Variants in CAD observed in about 807,000 individuals in gnomAD.
The protein encoded by CAD is multifunctional protein CAD.
Under a neutral mutation model 237.2 loss-of-function variants are expected in CAD, and 81 were observed. That is an observed-to-expected ratio of 0.34 (90% CI 0.29 to 0.41). The LOEUF (loss-of-function observed/expected upper bound fraction) is 0.41. Ranked by LOEUF, CAD falls within the 10% of genes least tolerant of loss-of-function variation. The pLI is 1.00. For synonymous variants in CAD, 1,196 were observed against 1,162.8 expected (o/e 1.03, Z -0.58); for missense variants, 2,181 against 2,951.7 (o/e 0.74, Z 6.05).
chr2:27,222,376 C>T (rs1479961562), intron 4 of CAD, 40 bp downstream of exon 4: 1 of 1,593,752 alleles, frequency 6.3e-7, no homozygotes, highest in South Asian at 1.1e-5. Flanking sequence ...AGCTCTAGCA[C>T]AGTAGTTATA....
rs745384012 is a variant in CAD, at chr2:27,217,932, G to A, written c.138G>A (p.Lys46=). The change falls in exon 2 of 44, where the codon AAG becomes AAA. Residue 46 remains lysine (K), a synonymous_variant. Transcript: ENST00000264705. ...AGGCCCTCACTGATCCCTCCTACAAGGCACAGATCTTAGTGCTCACCTATC... is the reference window on the plus strand; with the variant it reads ...AGGCCCTCACTGATCCCTCCTACAAAGCACAGATCTTAGTGCTCACCTATC... ...YPEALTDPSY[K]AQILVLTYPL... 6 of 1,613,082 alleles carry A rather than the reference G, an allele frequency of 3.7e-6. No individual in the cohort carries two copies. The Admixed American group carries it at 1.0e-4, about 27-fold the overall frequency.
In CAD at chr2:27,221,269, T is replaced by C. The variant is rs1675151830; in HGVS notation, c.274T>C (p.Cys92Arg). The change falls in exon 3 of 44, where the codon TGT becomes CGT. Residue 92 changes from cysteine (C) to arginine (R), a missense_variant. Around this residue, in one of 12 missense-constraint regions of CAD, gnomAD observed 314 missense variants for 339.4 expected, o/e 0.93. Coordinates refer to ENST00000264705, the MANE Select transcript of CAD (RefSeq NM_004341.5). The stretch of plus-strand genomic sequence containing the variant: ...AGCAGCACTGGTAGTGGGAGAGTGC[T>C]GTCCTACTCCCAGCCACTGGAGTGC... ...HVAALVVGEC[C>R]PTPSHWSATR... is the part of the protein sequence containing the mutation. 5.0e-6 allele frequency: 8 copies of C among 1,591,424 alleles called. No homozygotes were observed. The highest frequency in any genetic ancestry group is 6.0e-6 in the Non-Finnish European group (7 of 1,168,524).
Position 27,225,191 on chromosome 2 carries a change from C to G in CAD, c.1568C>G (p.Ala523Gly). ...CGACGGGCCTTTGCTGCCAGAATGGCAGAGATCGGAGAGCATGTGGCCCCG... is the reference window on the plus strand; with the variant it reads ...CGACGGGCCTTTGCTGCCAGAATGGGAGAGATCGGAGAGCATGTGGCCCCG... The part of the protein sequence containing the change: ...EDRRAFAARM[A>G]EIGEHVAPSE... Residue 523 changes from alanine (A) to glycine (G), a missense_variant, in exon 11 of 44, where the codon GCA becomes GGA. Around this residue, in one of 12 missense-constraint regions of CAD, gnomAD observed 174 missense variants for 215.8 expected, o/e 0.81. Coordinates refer to ENST00000264705, the MANE Select transcript of CAD (RefSeq NM_004341.5). The G allele has an allele frequency of 6.2e-7, 1 of 1,613,718 alleles. No individual in the cohort carries two copies. The highest frequency in any genetic ancestry group is 1.1e-5 in the South Asian group (1 of 91,064).
At chr2:27,221,076 A>G in intron 2 of CAD, 142 bp from the exon 3 acceptor site, 1 of 517,792 alleles carries the variant, frequency 1.9e-6, no homozygotes, top group Admixed American at 4.0e-5. Context: ...AAATGGAAAT[A>G]CCTATGCAAA....
intron 15 of CAD, among the ~76,000 whole-genome samples, chr2:27,228,930 T>C (rs1675582246): frequency 6.8e-6 from 1 of 147,168 alleles, no homozygotes; most frequent in Non-Finnish European, 1.5e-5. Flanking sequence ...TTCTTTTTTT[T>C]TTTTTTTGAG....
At position 27,232,559 on chromosome 2, in the gene CAD, A is replaced by G; in HGVS notation, c.2757A>G (p.Leu919=). ...EWPAQTNYLY[L]TYWGTTHDLT... ...CAGCCCAGACAAATTACCTATACCTAACGTATTGGGGCACCACCCATGACC... is the reference window on the plus strand; with the variant it reads ...CAGCCCAGACAAATTACCTATACCTGACGTATTGGGGCACCACCCATGACC... Residue 919 remains leucine, a synonymous_variant, in exon 18 of 44, where the codon CTA becomes CTG. Transcript: ENST00000264705. This position sits in a 1 kb window ranked among gnomAD's most constrained non-coding sequence, Gnocchi z 4.1. 6.2e-7 allele frequency: 1 copy of G among 1,614,126 alleles called. No individual in the cohort carries two copies.
At chr2:27,230,326 A>T (rs748281328) in intron 15 of CAD, among the ~76,000 whole-genome samples, 1 of 151,954 alleles carries the variant, frequency 6.6e-6, no homozygotes, top group Non-Finnish European at 1.5e-5. Context: ...AATTATATGT[A>T]TGCTGTGATG....
rs1457011869 is a variant in CAD at position 27,235,239 on chromosome 2, C to A, written c.3787-6C>A. 1 of 1,601,626 alleles carries A rather than the reference C, an allele frequency of 6.2e-7. No homozygotes were observed. Among genetic ancestry groups the A allele is most frequent in the East Asian group, 2.2e-5 (1 of 44,674 alleles). Reference sequence around the variant, plus strand: ...TGGCCCTCTCTCTTCCCTCCCGCCCCTTTAGGTGCCTCAGTTCTCCTTCTC... The same window carrying A: ...TGGCCCTCTCTCTTCCCTCCCGCCCATTTAGGTGCCTCAGTTCTCCTTCTC... On this transcript the variant is annotated splice_region_variant and splice_polypyrimidine_tract_variant and intron_variant, in intron 23 of 43. Transcript: ENST00000264705. The surrounding 1 kb of genome is among the most constrained non-coding windows in gnomAD (Gnocchi z 5.2).
In CAD at chr2:27,226,853, A is replaced by T; in HGVS notation, c.2178A>T (p.Thr726=). The T allele has an allele frequency of 6.2e-7, 1 of 1,614,228 alleles. No individual in the cohort carries two copies. Among genetic ancestry groups the T allele is most frequent in the Non-Finnish European group, 8.5e-7 (1 of 1,180,036 alleles). Residue 726 remains threonine (T), a synonymous_variant, in exon 15 of 44, where the codon ACA becomes ACT. Transcript: ENST00000264705. ...CCAGGAACTCTGTGACAGGGGGTAC[A>T]GCAGCCTTTGAACCCAGCGTGGATT... ...PELRNSVTGG[T]AAFEPSVDYC...
chr2:27,219,022 AACCTTTGTCAGTCATC>A (rs1478239337), intron 2 of CAD, among the ~76,000 whole-genome samples: 4 of 152,254 alleles, frequency 2.6e-5, no homozygotes, highest in Non-Finnish European at 5.9e-5. Context: ...GAATTTGGTT[AACCTTTGTCAGTCATC>A]ACCTTTGTCA....
rs149723808 is a variant in CAD at position 27,237,017 on chromosome 2, A to ATTT, written c.4396+207_4396+209dup. On this transcript the variant is annotated intron_variant, in intron 27 of 43. Coordinates refer to ENST00000264705, the MANE Select transcript of CAD (RefSeq NM_004341.5). The surrounding 1 kb of genome is among the most constrained non-coding windows in gnomAD (Gnocchi z 4.0). Reference sequence around the variant, plus strand: ...TGTCCACAGTGGCCTTGTCTGAGGAATTTTTTTTTTTTTTTTTTTTTTGAG... The same window carrying ATTT: ...TGTCCACAGTGGCCTTGTCTGAGGAATTTTTTTTTTTTTTTTTTTTTTTTTGAG... Among the ~76,000 whole-genome samples, 59 of 126,494 alleles carry ATTT rather than the reference A, an allele frequency of 4.7e-4. No homozygotes were observed. Among genetic ancestry groups the ATTT allele is most frequent in the African/African-American group, 1.7e-3 (52 of 30,780 alleles). 83.0% of individuals were successfully genotyped at this position (126,494 alleles called of 152,430 possible).
intron 4 of CAD, 39 bp from the exon 5 acceptor site, chr2:27,222,480 C>G: frequency 1.9e-6 from 3 of 1,606,606 alleles, no homozygotes; most frequent in Non-Finnish European, 2.6e-6. Flanking sequence ...CCACTGAGCA[C>G]AGCTGCCAAC....
At position 27,243,668 on chromosome 2, in the gene CAD, C is replaced by G. The variant is rs1013911663; in HGVS notation, c.*150C>G. ...ACTTCAGGCTCTGGACTGGAGCTCT[C>G]TGGCATGGGGGTGGGGCCTCAGATG... On this transcript the variant is annotated 3_prime_UTR_variant, in exon 44 of 44. Transcript: ENST00000264705. 2 of 659,944 alleles carry G rather than the reference C, an allele frequency of 3.0e-6. No homozygotes were observed. Among genetic ancestry groups the G allele is most frequent in the African/African-American group, 3.6e-5 (2 of 54,854 alleles). 40.9% of individuals were successfully genotyped at this position (659,944 alleles called of 1,614,324 possible).
At chr2:27,229,973 C>T (rs1572435430) in intron 15 of CAD, among the ~76,000 whole-genome samples, 1 of 151,980 alleles carries the variant, frequency 6.6e-6, no homozygotes, top group South Asian at 2.1e-4. Context: ...CGCAGTGGCA[C>T]ACGCCTGTAA....
chr2:27,236,859 G>A lies in CAD; in HGVS notation c.4396+29G>A. The A allele has an allele frequency of 6.3e-7, 1 of 1,591,548 alleles. No homozygotes were observed. The highest frequency in any genetic ancestry group is 8.6e-7 in the Non-Finnish European group (1 of 1,159,478). On this transcript the variant is annotated intron_variant, in intron 27 of 43. Coordinates refer to ENST00000264705, the MANE Select transcript of CAD (RefSeq NM_004341.5). The surrounding 1 kb of genome is among the most constrained non-coding windows in gnomAD (Gnocchi z 4.1). ...AGTCTTTGGGGAGAACTTGGCTTCTGAACACTGGCAGCCCCTGGCATAGAG... is the reference window on the plus strand; with the variant it reads ...AGTCTTTGGGGAGAACTTGGCTTCTAAACACTGGCAGCCCCTGGCATAGAG...
At position 27,239,594 on chromosome 2, in the gene CAD, G is replaced by GAA; in HGVS notation, c.5395-103_5395-102insAA. On this transcript the variant is annotated intron_variant, in intron 33 of 43. Coordinates refer to ENST00000264705, the MANE Select transcript of CAD (RefSeq NM_004341.5). This position sits in a 1 kb window ranked among gnomAD's most constrained non-coding sequence, Gnocchi z 4.0. ...ACCACTGCCCTGGACCAGGGGTTGGGGGCACAGCTCCCCCAAGGTGCTTTT... is the reference window on the plus strand; with the variant it reads ...ACCACTGCCCTGGACCAGGGGTTGGGAAGGCACAGCTCCCCCAAGGTGCTTTT... 6.7e-7 allele frequency: 1 copy of GAA among 1,500,224 alleles called. No homozygotes were observed. Among genetic ancestry groups the GAA allele is most frequent in the Non-Finnish European group, 9.1e-7 (1 of 1,093,536 alleles). 92.9% of individuals were successfully genotyped at this position (1,500,224 alleles called of 1,614,324 possible).
At chr2:27,221,974 T>G (rs1051710863) in intron 3 of CAD, among the ~76,000 whole-genome samples, 1 of 150,842 alleles carries the variant, frequency 6.6e-6, no homozygotes, top group African/African-American at 2.5e-5. Flanking sequence ...TATATTATTT[T>G]CTATAAATGG....
At position 27,237,849 on chromosome 2, in the gene CAD, G is replaced by A; in HGVS notation, c.4695G>A (p.Glu1565=). 1 of 1,613,794 alleles carries A rather than the reference G, an allele frequency of 6.2e-7. No individual in the cohort carries two copies. The highest frequency in any genetic ancestry group is 8.5e-7 in the Non-Finnish European group (1 of 1,179,846). ...TTTACCTCAATGAGACCTTCTCTGAGCTGCGGCTGGACAGCGTGGTCCAGT... is the reference window on the plus strand; with the variant it reads ...TTTACCTCAATGAGACCTTCTCTGAACTGCGGCTGGACAGCGTGGTCCAGT... ...LKLYLNETFS[E]LRLDSVVQWM... is the part of the protein sequence containing the mutation. The change falls in exon 29 of 44, where the codon GAG becomes GAA. Residue 1565 remains glutamate, a synonymous_variant. Transcript: ENST00000264705. The surrounding 1 kb of genome is among the most constrained non-coding windows in gnomAD (Gnocchi z 4.0).
In CAD at chr2:27,239,413, T is replaced by C; in HGVS notation, c.5336T>C (p.Val1779Ala). ...AHWTPFEGQK[V>A]KGTVRRVVLR... ...TGGACACCTTTTGAAGGGCAGAAAG[T>C]GAAGGGCACCGTCCGCCGTGTGGTC... The change falls in exon 33 of 44, where the codon GTG becomes GCG. Residue 1779 changes from valine to alanine, a missense_variant. Coordinates refer to ENST00000264705, the MANE Select transcript of CAD (RefSeq NM_004341.5). The surrounding 1 kb of genome is among the most constrained non-coding windows in gnomAD (Gnocchi z 4.0). 1 of 1,614,076 alleles carries C rather than the reference T, an allele frequency of 6.2e-7. No homozygotes were observed. Among genetic ancestry groups the C allele is most frequent in the Non-Finnish European group, 8.5e-7 (1 of 1,179,990 alleles).
Sources: gnomAD v4.1 joint callset for allele counts (sites outside exome capture counted in the v4.1 genomes callset) on GRCh38, gnomAD v4.1.1 for gene constraint, gnomAD v4.1.1 regional missense constraint, Gnocchi (gnomAD v3.1) non-coding constraint, MANE v1.5 for transcripts, NCBI Gene and HGNC (gene_info 2026-07-23, HGNC 2026-07-21) for gene names.